Variants in PHAF1 observed in about 807,000 individuals in gnomAD.
The protein encoded by PHAF1 is phagosome assembly factor 1.
In PHAF1, 23 loss-of-function variants were observed where a neutral mutation model predicts 63.1. The ratio of observed to expected loss-of-function variants is 0.36; its 90% CI spans 0.26 to 0.52. The LOEUF (loss-of-function observed/expected upper bound fraction) is 0.52, where lower values mean the gene tolerates loss of function less well. Among genes scored for constraint, PHAF1 ranks in the 20% least tolerant of loss-of-function variants. The pLI is 0.93. For missense variants in PHAF1, 427 were observed against 517.2 expected (o/e 0.83, Z 1.69); for synonymous variants, 167 against 185.0 (o/e 0.90, Z 0.79).
intron 11 of PHAF1, 131 bp from the exon 12 acceptor site, chr16:67,144,703 T>A (rs1230237643): frequency 9.5e-7 from 1 of 1,054,628 alleles, no homozygotes; most frequent in Non-Finnish European, 1.4e-6. Flanking sequence ...CAGTGAACAC[T>A]GTCAGGCACT....
intron 9 of PHAF1, among the ~76,000 whole-genome samples, 192 bp downstream of exon 9, chr16:67,140,309 C>T (rs16957197): frequency 0.049 from 7,384 of 152,230 alleles, 516 homozygotes; most frequent in African/African-American, 0.16. Context: ...GCCTACCTTT[C>T]CTTAGAGACC....
At chr16:67,128,006 G>A (rs962714915) in intron 3 of PHAF1, among the ~76,000 whole-genome samples, 2 of 152,170 alleles carry the variant, frequency 1.3e-5, no homozygotes, top group Admixed American at 6.5e-5. Context: ...TCACAGCATG[G>A]TGAAGACAAT....
Position 67,147,724 on chromosome 16 carries a change from C to G in PHAF1, c.*593C>G, listed in dbSNP as rs1452974213. ...TGGTTGAAACACAGCTTTCTACCAT[C>G]CAGGTACATGCCCAGGCCTGGTTCT... On this transcript the variant is annotated 3_prime_UTR_variant, in exon 16 of 16. Transcript: ENST00000219139. 2.0e-5 allele frequency: 3 copies of G among 152,894 alleles called. No individual in the cohort carries two copies. Among genetic ancestry groups the G allele is most frequent in the Non-Finnish European group, 4.4e-5 (3 of 68,152 alleles). The allele number at this position is 152,894 out of a possible 1,614,324, so 9.5% of individuals were successfully genotyped here.
intron 2 of PHAF1, among the ~76,000 whole-genome samples, chr16:67,124,751 AAGTC>A (rs1396489825): frequency 2.0e-5 from 3 of 151,962 alleles, no homozygotes; most frequent in Non-Finnish European, 4.4e-5. Flanking sequence ...AAAATACAAA[AAGTC>A]AGCCGGGCGT....
At chr16:67,122,522 G>A (rs1334063246) in intron 2 of PHAF1, among the ~76,000 whole-genome samples, 3 of 145,530 alleles carry the variant, frequency 2.1e-5, no homozygotes, top group Non-Finnish European at 4.5e-5. Context: ...AGTGAGGTAT[G>A]ATTGTATCAC....
chr16:67,132,753 G>C, intron 5 of PHAF1, 64 bp from the exon 6 acceptor site: 1 of 1,431,788 alleles, frequency 7.0e-7, no homozygotes, highest in East Asian at 2.3e-5. Context: ...TGCCAGGCTG[G>C]TTTATGTTAG....
intron 1 of PHAF1, among the ~76,000 whole-genome samples, chr16:67,119,368 C>T (rs950866575): frequency 1.3e-5 from 2 of 152,172 alleles, no homozygotes; most frequent in African/African-American, 4.8e-5. Context: ...CACTGCCTCC[C>T]ATCCCCTTCC....
At chr16:67,136,554 C>CTTTTTTTT (rs34174571) in intron 8 of PHAF1, among the ~76,000 whole-genome samples, 2 of 60,444 alleles carry the variant, frequency 3.3e-5, no homozygotes, top group African/African-American at 1.9e-4. Flanking sequence ...GCATTGATTC[C>CTTTTTTTT]TTTTTTTTTT....
intron 8 of PHAF1, chr16:67,134,786 A>G (rs750847501): frequency 2.1e-6 from 1 of 484,106 alleles, no homozygotes; most frequent in South Asian, 1.6e-5. Flanking sequence ...ACTGATCTCA[A>G]TCCTGAGGTC....
intron 8 of PHAF1, among the ~76,000 whole-genome samples, chr16:67,136,529 G>A (rs12597880): frequency 1.5e-5 from 2 of 137,878 alleles, no homozygotes; most frequent in African/African-American, 5.8e-5. Flanking sequence ...TTGGGTTCCT[G>A]CATCAGTCTC....
intron 6 of PHAF1, 65 bp downstream of exon 6, chr16:67,132,976 C>T (rs1963465014): frequency 7.5e-7 from 1 of 1,330,038 alleles, no homozygotes; most frequent in Non-Finnish European, 1.1e-6. Flanking sequence ...CAGATGGTGT[C>T]ATGGGATGGG....
chr16:67,135,940 C>G (rs1963589529), intron 8 of PHAF1: 1 of 152,140 alleles, frequency 6.6e-6, no homozygotes, highest in South Asian at 2.1e-4. Context: ...GGCAAGCAGA[C>G]GGGACTTGTT....
intron 10 of PHAF1, among the ~76,000 whole-genome samples, chr16:67,142,514 G>A (rs1296165366): frequency 6.6e-6 from 1 of 152,236 alleles, no homozygotes; most frequent in Non-Finnish European, 1.5e-5. Flanking sequence ...TGTTCATGCC[G>A]AGGCGGCAGG....
intron 1 of PHAF1, among the ~76,000 whole-genome samples, chr16:67,111,389 G>C (rs1262877432): frequency 6.6e-6 from 1 of 152,180 alleles, no homozygotes; most frequent in Non-Finnish European, 1.5e-5. Flanking sequence ...AAGAAAAGGG[G>C]GTGGGGTAGG....
intron 2 of PHAF1, among the ~76,000 whole-genome samples, chr16:67,121,424 G>A (rs1261370527): frequency 2.1e-5 from 3 of 145,652 alleles, no homozygotes; most frequent in Non-Finnish European, 4.5e-5. Context: ...GGATGGTCTC[G>A]ATCTCCTGAC....
At chr16:67,137,358 G>A (rs188715742) in intron 8 of PHAF1, among the ~76,000 whole-genome samples, 53 of 152,218 alleles carry the variant, frequency 3.5e-4, no homozygotes, top group Non-Finnish European at 5.0e-4. Flanking sequence ...TTGCTGTGTT[G>A]TCCAGGCTAG....
At chr16:67,110,266 C>T in intron 1 of PHAF1, 27 bp downstream of exon 1, 2 of 1,550,530 alleles carry the variant, frequency 1.3e-6, no homozygotes, top group Non-Finnish European at 1.7e-6. Context: ...CTGTCAGGAC[C>T]CCATTCGCTG....
chr16:67,147,440 GT>G lies in PHAF1; in HGVS notation c.*310del. On this transcript the variant is annotated 3_prime_UTR_variant, in exon 16 of 16. Coordinates refer to ENST00000219139, the MANE Select transcript of PHAF1 (RefSeq NM_025187.5). Reference sequence around the variant, plus strand: ...AAGGAGGCAGGAGAGGTCAACCCTTGTCCCATGCACATTGGGAAGACTTGGG... The same window carrying G: ...AAGGAGGCAGGAGAGGTCAACCCTTGCCCATGCACATTGGGAAGACTTGGG... 2.7e-6 allele frequency: 1 copy of G among 375,454 alleles called. No individual in the cohort carries two copies. Among genetic ancestry groups the G allele is most frequent in the Non-Finnish European group, 4.8e-6 (1 of 206,572 alleles). The allele number at this position is 375,454 out of a possible 1,614,324, so 23.3% of individuals were successfully genotyped here.
At chr16:67,134,488 T>A in intron 8 of PHAF1, 21 bp downstream of exon 8, 1 of 1,575,304 alleles carries the variant, frequency 6.3e-7, no homozygotes. Flanking sequence ...GGCTTTGAGG[T>A]TGGTACATTC....
Sources: gnomAD v4.1 joint callset for allele counts (sites outside exome capture counted in the v4.1 genomes callset) on GRCh38, gnomAD v4.1.1 for gene constraint, MANE v1.5 for transcripts, NCBI Gene and HGNC (gene_info 2026-07-23, HGNC 2026-07-21) for gene names.